The following RCSD1 variants were observed in gnomAD, a reference collection of about 807,000 sequenced individuals.
The protein encoded by RCSD1 is capZ-interacting protein.
A neutral mutation model predicts 42.5 loss-of-function variants in RCSD1; 26 were observed. The observed-to-expected ratio is 0.61, with a 90% confidence interval of 0.45 to 0.85. The LOEUF is 0.85. Among genes scored for constraint, RCSD1 ranks in the 40% least tolerant of loss-of-function variants. The probability of loss-of-function intolerance (pLI) is 0.00; values close to 1 mark genes in which losing one functional copy is unlikely to be tolerated. For synonymous variants in RCSD1, 220 were observed against 212.2 expected, an observed-to-expected ratio of 1.04 and a Z score of -0.32; for missense variants, 571 against 528.3, an observed-to-expected ratio of 1.08 and a Z score of -0.79.
At chr1:167,661,287 G>C (rs1308738059) in intron 1 of RCSD1, among the ~76,000 whole-genome samples, 2 of 152,228 alleles carry the variant, frequency 1.3e-5, no homozygotes, top group Non-Finnish European at 2.9e-5. Context: ...GTGAAGTGCA[G>C]GTCTGGGACT....
rs149340244 is a variant in RCSD1, at chr1:167,707,493, G to GA, written c.*2804dup. Among the ~76,000 whole-genome samples the GA allele has an allele frequency of 0.013, 1,941 of 151,706 alleles. 26 individuals carry two copies. The highest frequency in any genetic ancestry group is 0.039 in the Admixed American group (588 of 15,246). Reference sequence around the variant, plus strand: ...CCCCCTTTTTCAGCCTCATAGAACTGAAAAAAACAAACCTAAATACAGTCA... The same window carrying GA: ...CCCCCTTTTTCAGCCTCATAGAACTGAAAAAAAACAAACCTAAATACAGTCA... On this transcript the variant is annotated 3_prime_UTR_variant, in exon 7 of 7. Coordinates refer to ENST00000367854, the MANE Select transcript of RCSD1 (RefSeq NM_052862.4).
intron 1 of RCSD1, among the ~76,000 whole-genome samples, chr1:167,633,192 G>A (rs1657747754): frequency 2.6e-5 from 4 of 152,148 alleles, no homozygotes; most frequent in African/African-American, 9.7e-5. Flanking sequence ...AAGCCCTGTG[G>A]AATAAACAAA....
In RCSD1 at chr1:167,697,266, A is replaced by G; in HGVS notation, c.642A>G (p.Pro214=). ...DEVLPSKSKA[P]GSPLSSEGAA... ...TGTTGCCATCCAAGAGCAAGGCCCC[A>G]GGATCCCCTTTGTCCAGTGAGGGAG... The change falls in exon 6 of 7, where the codon CCA becomes CCG. Residue 214 remains proline, a synonymous_variant. Transcript: ENST00000367854. 1 of 1,614,196 alleles carries G rather than the reference A, an allele frequency of 6.2e-7. No homozygotes were observed. Among genetic ancestry groups the G allele is most frequent in the South Asian group, 1.1e-5 (1 of 91,084 alleles).
In RCSD1 at chr1:167,706,837, G is replaced by A. The variant is rs201564690; in HGVS notation, c.*2141G>A. Among the ~76,000 whole-genome samples the A allele has an allele frequency of 2.0e-5, 3 of 152,116 alleles. No individual in the cohort carries two copies. The East Asian group carries it at 5.8e-4, about 29-fold the overall frequency. ...CCTTTCTCAAAGCAACCATGATCAG[G>A]TGTTTTATTTGCATGGTTGATACTG... On this transcript the variant is annotated 3_prime_UTR_variant, in exon 7 of 7. Transcript: ENST00000367854.
At chr1:167,646,279 C>G (rs1403016395) in intron 1 of RCSD1, among the ~76,000 whole-genome samples, 1 of 152,030 alleles carries the variant, frequency 6.6e-6, no homozygotes, top group East Asian at 1.9e-4. Flanking sequence ...GGTGGTCATT[C>G]GCGCAGCAGT....
chr1:167,632,038 C>T (rs988025904), intron 1 of RCSD1, among the ~76,000 whole-genome samples: 8 of 152,198 alleles, frequency 5.3e-5, no homozygotes, highest in Non-Finnish European at 8.8e-5. Context: ...TTAGGGCTGG[C>T]GGTGAGGCAC....
intron 1 of RCSD1, among the ~76,000 whole-genome samples, chr1:167,635,264 G>A (rs1657808762): frequency 6.6e-6 from 1 of 152,142 alleles, no homozygotes; most frequent in South Asian, 2.1e-4. Flanking sequence ...AGCCTCTGAA[G>A]CTAGAGTTTG....
At chr1:167,636,204 C>T (rs1657847244) in intron 1 of RCSD1, among the ~76,000 whole-genome samples, 2 of 152,326 alleles carry the variant, frequency 1.3e-5, no homozygotes, top group Admixed American at 1.3e-4. Context: ...AAATCCTATT[C>T]CATGGGAAGG....
rs147705392 is a variant in RCSD1, at chr1:167,684,806, G to A, written c.109-615G>A. 1.2e-4 allele frequency among the ~76,000 whole-genome samples: 18 copies of A among 152,268 alleles called. No individual in the cohort carries two copies. The East Asian group carries it at 3.3e-3, about 28-fold the overall frequency. ...GGAGAATCGCTTGAACCCAGGAGGT[G>A]GAGGTTTCAGTGAGCCGAGATGGTA... On this transcript the variant is annotated intron_variant, in intron 2 of 6. Transcript: ENST00000367854.
chr1:167,690,806 G>A (rs570818802), intron 4 of RCSD1, among the ~76,000 whole-genome samples: 1 of 152,162 alleles, frequency 6.6e-6, no homozygotes, highest in Non-Finnish European at 1.5e-5. Context: ...GCATAGGGCT[G>A]GTGTTCAGTT....
chr1:167,643,477 A>G (rs1658057319), intron 1 of RCSD1, among the ~76,000 whole-genome samples: 1 of 152,376 alleles, frequency 6.6e-6, no homozygotes, highest in African/African-American at 2.4e-5. Flanking sequence ...GTATCTGTTC[A>G]GCTAAACTGT....
At chr1:167,652,434 C>CTGGGCCGGTAT (rs1394446587) in intron 1 of RCSD1, among the ~76,000 whole-genome samples, 3 of 152,090 alleles carry the variant, frequency 2.0e-5, no homozygotes, top group African/African-American at 4.8e-5. Flanking sequence ...CTCACCGGGC[C>CTGGGCCGGTAT]CAGATACTTG....
intron 1 of RCSD1, among the ~76,000 whole-genome samples, chr1:167,650,940 CCTTGCA>C (rs1197727842): frequency 6.6e-6 from 1 of 152,168 alleles, no homozygotes; most frequent in Non-Finnish European, 1.5e-5. Flanking sequence ...AACTTTATTT[CCTTGCA>C]ATTCGAGAGG....
At chr1:167,630,605 C>CTAG in intron 1 of RCSD1, 176 bp downstream of exon 1, 1 of 558,144 alleles carries the variant, frequency 1.8e-6, no homozygotes, top group South Asian at 6.0e-5. Context: ...AAGGATCGTC[C>CTAG]CTGGTCCCAC....
At chr1:167,683,343 G>A (rs776116017) in intron 1 of RCSD1, among the ~76,000 whole-genome samples, 4 of 152,336 alleles carry the variant, frequency 2.6e-5, no homozygotes, top group Non-Finnish European at 4.4e-5. Context: ...CCCCAGGCTG[G>A]TAAGAGATGG....
At chr1:167,643,205 G>A (rs1424263094) in intron 1 of RCSD1, among the ~76,000 whole-genome samples, 2 of 152,158 alleles carry the variant, frequency 1.3e-5, no homozygotes, top group Non-Finnish European at 2.9e-5. Context: ...GGTGTTATTA[G>A]TATTTATTAA....
chr1:167,690,528 G>T (rs976468698), intron 4 of RCSD1, among the ~76,000 whole-genome samples: 13 of 152,058 alleles, frequency 8.5e-5, no homozygotes, highest in Non-Finnish European at 1.6e-4. Context: ...TTTAAAATTA[G>T]CCAGGCATGG....
intron 1 of RCSD1, among the ~76,000 whole-genome samples, chr1:167,674,776 T>C (rs1197824357): frequency 6.6e-6 from 1 of 152,226 alleles, no homozygotes; most frequent in Admixed American, 6.5e-5. Context: ...GTTTTCAAGG[T>C]TTATCACATT....
chr1:167,635,403 A>G (rs539816747), intron 1 of RCSD1, among the ~76,000 whole-genome samples: 5 of 144,952 alleles, frequency 3.4e-5, no homozygotes, highest in African/African-American at 1.2e-4. Context: ...CTGCGACGAC[A>G]GGGGGAATTT....
Sources: gnomAD v4.1 joint callset for allele counts (sites outside exome capture counted in the v4.1 genomes callset) on GRCh38, gnomAD v4.1.1 for gene constraint, MANE v1.5 for transcripts, NCBI Gene and HGNC (gene_info 2026-07-23, HGNC 2026-07-21) for gene names.